ST8SIA6: variants seen among roughly 807,000 people sequenced by gnomAD.
ST8SIA6 encodes ST8 alpha-N-acetyl-neuraminide alpha-2,8-sialyltransferase 6.
A neutral mutation model predicts 33.6 loss-of-function variants in ST8SIA6; 39 were observed. That is an observed-to-expected ratio of 1.16 (90% CI 0.90 to 1.52). The LOEUF (loss-of-function observed/expected upper bound fraction) is 1.52, where lower values mean the gene tolerates loss of function less well. ST8SIA6 is among the 40% of genes most tolerant of loss of function. The pLI is 0.00. For missense variants in ST8SIA6, 441 were observed against 443.8 expected (o/e 0.99, Z 0.06); for synonymous variants, 172 against 167.2 (o/e 1.03, Z -0.22).
At chr10:17,450,047 A>G (rs970881231) in intron 2 of ST8SIA6, among the ~76,000 whole-genome samples, 1 of 152,188 alleles carries the variant, frequency 6.6e-6, no homozygotes, top group Non-Finnish European at 1.5e-5. Context: ...TTTGGTTTTT[A>G]TATGTTTAGA....
At chr10:17,415,554 C>G (rs1851576591) in intron 2 of ST8SIA6, among the ~76,000 whole-genome samples, 1 of 152,142 alleles carries the variant, frequency 6.6e-6, no homozygotes, top group African/African-American at 2.4e-5. Flanking sequence ...ACCCTTCCCC[C>G]TCCCTGTGAA....
At chr10:17,393,559 G>A (rs898235395) in intron 2 of ST8SIA6, among the ~76,000 whole-genome samples, 4 of 152,134 alleles carry the variant, frequency 2.6e-5, no homozygotes, top group African/African-American at 4.8e-5. Context: ...TGATTGCAAC[G>A]TGGGAGTCAG....
chr10:17,437,250 C>G (rs527529389), intron 2 of ST8SIA6, among the ~76,000 whole-genome samples: 1 of 152,286 alleles, frequency 6.6e-6, no homozygotes, highest in Non-Finnish European at 1.5e-5. Flanking sequence ...GCCTTGAACT[C>G]CTGGACTCAA....
chr10:17,354,169 C>G (rs892412293), intron 4 of ST8SIA6, among the ~76,000 whole-genome samples: 3 of 152,108 alleles, frequency 2.0e-5, no homozygotes, highest in Non-Finnish European at 2.9e-5. Context: ...CACAAAGAAG[C>G]CTTCATGGGT....
intron 2 of ST8SIA6, among the ~76,000 whole-genome samples, chr10:17,396,594 G>C (rs1055021026): frequency 6.6e-6 from 1 of 152,044 alleles, no homozygotes. Flanking sequence ...TCTCACAAAA[G>C]AATAATCCAC....
At chr10:17,449,858 A>G (rs1233880181) in intron 2 of ST8SIA6, among the ~76,000 whole-genome samples, 1 of 152,172 alleles carries the variant, frequency 6.6e-6, no homozygotes, top group African/African-American at 2.4e-5. Context: ...GGGGGCAATA[A>G]AAAGCTAGTG....
chr10:17,363,243 A>G (rs1047084522), intron 3 of ST8SIA6, among the ~76,000 whole-genome samples: 8 of 152,024 alleles, frequency 5.3e-5, no homozygotes, highest in African/African-American at 1.9e-4. Context: ...AATTTTCTCA[A>G]TCCAGTAATC....
chr10:17,366,785 G>A (rs1044008617), intron 3 of ST8SIA6, among the ~76,000 whole-genome samples: 2 of 152,012 alleles, frequency 1.3e-5, no homozygotes, highest in Admixed American at 6.6e-5. Flanking sequence ...CCCACAGAGA[G>A]GGATCCATGG....
At chr10:17,409,679 C>G (rs1441729352) in intron 2 of ST8SIA6, 3 of 152,226 alleles carry the variant, frequency 2.0e-5, no homozygotes, top group Admixed American at 6.6e-5. Context: ...GAGTTTGAGA[C>G]CAGCCTGACC....
intron 3 of ST8SIA6, among the ~76,000 whole-genome samples, chr10:17,381,338 T>C (rs561841257): frequency 2.6e-5 from 4 of 152,154 alleles, no homozygotes; most frequent in African/African-American, 9.6e-5. Context: ...AAGTCTATAA[T>C]AGGAAAAAGG....
intron 2 of ST8SIA6, among the ~76,000 whole-genome samples, chr10:17,404,064 CAA>C (rs964237726): frequency 1.4e-3 from 80 of 56,592 alleles, no homozygotes; most frequent in African/African-American, 3.7e-3. Context: ...GACACTGTCT[CAA>C]AAAAAAAAAA....
Position 17,317,070 on chromosome 10 carries a change from A to G in ST8SIA6, c.*3808T>C, listed in dbSNP as rs1319224131. 6.6e-6 allele frequency among the ~76,000 whole-genome samples: 1 copy of G among 152,094 alleles called. No individual in the cohort carries two copies. Among genetic ancestry groups the G allele is most frequent in the South Asian group, 2.1e-4 (1 of 4,826 alleles). On this transcript the variant is annotated 3_prime_UTR_variant, in exon 8 of 8. Transcript: ENST00000377602. ...TAATTCTCCTACATTTTCTTCTATG[A>G]GCTTTAAAGTTTTCTTTTTAATCCA... is the stretch of plus-strand genomic sequence containing the variant.
At chr10:17,357,219 GAGT>G (rs1448867547) in intron 4 of ST8SIA6, among the ~76,000 whole-genome samples, 1 of 151,622 alleles carries the variant, frequency 6.6e-6, no homozygotes, top group African/African-American at 2.4e-5. Flanking sequence ...TCTGCCTCCT[GAGT>G]TCAAGCGATT....
Position 17,320,656 on chromosome 10 carries a change from T to G in ST8SIA6, c.*222A>C, listed in dbSNP as rs184264499. 1.8e-5 allele frequency: 9 copies of G among 508,970 alleles called. No individual in the cohort carries two copies. In the African/African-American group the frequency reaches 2.0e-4, roughly 11 times the overall value. The allele number at this position is 508,970 out of a possible 1,614,324, so 31.5% of individuals were successfully genotyped here. On this transcript the variant is annotated 3_prime_UTR_variant, in exon 8 of 8. Coordinates refer to ENST00000377602, the MANE Select transcript of ST8SIA6 (RefSeq NM_001004470.3). ...AATAATTTTCATAAATTATAAAAAT[T>G]TGTATGAGTCAGATATGGTGTCCAT...
rs1310322110 is a variant in ST8SIA6, at chr10:17,351,719, TA to T, written c.377+7794del. On this transcript the variant is annotated intron_variant, in intron 4 of 7. Coordinates refer to ENST00000377602, the MANE Select transcript of ST8SIA6 (RefSeq NM_001004470.3). ...TACACAGTGGAATAGTATACAGCCT[TA>T]AAAAATGAGGAAATTCTGTCATTTG... Among the ~76,000 whole-genome samples the T allele has an allele frequency of 3.3e-5, 5 of 151,996 alleles. No individual in the cohort carries two copies. The East Asian group carries it at 5.8e-4, about 18-fold the overall frequency.
chr10:17,437,651 TTCCTTCCTTCC>T lies in ST8SIA6; in HGVS notation c.200+15897_200+15907del, dbSNP rs1469776841. 2.6e-3 allele frequency among the ~76,000 whole-genome samples: 368 copies of T among 143,704 alleles called. 8 individuals are homozygous for T. The highest frequency in any genetic ancestry group is 7.5e-3 in the South Asian group (32 of 4,284). 94.3% of individuals were successfully genotyped at this position (143,704 alleles called of 152,430 possible). On this transcript the variant is annotated intron_variant, in intron 2 of 7. Coordinates refer to ENST00000377602, the MANE Select transcript of ST8SIA6 (RefSeq NM_001004470.3). ...CTTCCTTCCTTCCTTCCTTCCTTCC[TTCCTTCCTTCC>T]TTCTGTCTCTCTTTCTCTTTCTCTT...
chr10:17,333,715 ATATTTTT>A (rs1848405839), intron 4 of ST8SIA6, among the ~76,000 whole-genome samples: 3 of 35,414 alleles, frequency 8.5e-5, no homozygotes, highest in African/African-American at 2.2e-4. Flanking sequence ...ATATATATAT[ATATTTTT>A]TTTTTTTTTT....
chr10:17,398,319 T>G (rs1255287038), intron 2 of ST8SIA6, among the ~76,000 whole-genome samples: 3 of 149,350 alleles, frequency 2.0e-5, no homozygotes, highest in Non-Finnish European at 3.0e-5. Flanking sequence ...AGAGCAAGAC[T>G]CCATCTTAAG....
intron 2 of ST8SIA6, among the ~76,000 whole-genome samples, chr10:17,436,670 G>C (rs1314354101): frequency 6.6e-6 from 1 of 151,662 alleles, no homozygotes; most frequent in Non-Finnish European, 1.5e-5. Context: ...ATGGTTTCCA[G>C]CTTCATCCAT....
Sources: gnomAD v4.1 joint callset for allele counts (sites outside exome capture counted in the v4.1 genomes callset) on GRCh38, gnomAD v4.1.1 for gene constraint, MANE v1.5 for transcripts, NCBI Gene and HGNC (gene_info 2026-07-23, HGNC 2026-07-21) for gene names.